GNL2: variants seen among roughly 807,000 people sequenced by gnomAD.
The protein encoded by GNL2 is nucleolar GTP-binding protein 2.
A neutral mutation model predicts 92.3 loss-of-function variants in GNL2; 51 were observed. The observed-to-expected ratio is 0.55, with a 90% CI of 0.44 to 0.70. The LOEUF is 0.70. GNL2 is among the 30% of genes least tolerant of loss of function. The probability of loss-of-function intolerance (pLI) is 0.00; values close to 1 mark genes in which losing one functional copy is unlikely to be tolerated. For synonymous variants in GNL2, 283 were observed against 300.6 expected (o/e 0.94, Z 0.61); for missense variants, 844 against 895.6 (o/e 0.94, Z 0.74).
chr1:37,567,464 A>G (rs889327947), intron 15 of GNL2, among the ~76,000 whole-genome samples: 1 of 151,810 alleles, frequency 6.6e-6, no homozygotes, highest in African/African-American at 2.4e-5. Flanking sequence ...TCGTGTGGAG[A>G]CGTTGATTAG....
intron 3 of GNL2, 59 bp downstream of exon 3, chr1:37,592,653 C>T (rs894623333): frequency 5.3e-6 from 5 of 945,494 alleles, no homozygotes; most frequent in Non-Finnish European, 8.7e-6. Context: ...TTTAAACATC[C>T]TAGCCGTTTC....
At position 37,566,892 on chromosome 1, in the gene GNL2, T is replaced by C. The variant is rs760851601; in HGVS notation, c.2159A>G (p.Gln720Arg). 5 of 1,614,086 alleles carry C rather than the reference T, an allele frequency of 3.1e-6. No individual in the cohort carries two copies. Among genetic ancestry groups the C allele is most frequent in the African/African-American group, 2.7e-5 (2 of 74,942 alleles). ...NKKKTNDSEG[Q>R]KHKRKKFRQK... ...TCTGAATTTTTTGCGTTTGTGTTTC[T>C]GTCCCTCTGAGTCATTGGTCTTCTT... Residue 720 changes from glutamine (Q) to arginine (R), a missense_variant, in exon 16 of 16, where the codon CAG (glutamine) becomes CGG (arginine). Transcript: ENST00000373062.
At chr1:37,568,788 C>T (rs1326224147) in intron 13 of GNL2, 63 bp downstream of exon 13, 1 of 1,235,006 alleles carries the variant, frequency 8.1e-7, no homozygotes, top group Non-Finnish European at 1.2e-6. Context: ...GGCTCTGGTA[C>T]TCATGGCAAA....
intron 12 of GNL2, among the ~76,000 whole-genome samples, chr1:37,573,589 C>T (rs1366852272): frequency 6.6e-6 from 1 of 152,240 alleles, no homozygotes. Flanking sequence ...TTCCTATATT[C>T]CCTGTGCCTG....
chr1:37,574,825 TA>T lies in GNL2; in HGVS notation c.1144-3del. 1 of 1,603,490 alleles carries T rather than the reference TA, an allele frequency of 6.2e-7. No individual in the cohort carries two copies. The highest frequency in any genetic ancestry group is 8.5e-7 in the Non-Finnish European group (1 of 1,171,824). On this transcript the variant is annotated splice_region_variant and splice_polypyrimidine_tract_variant and intron_variant, in intron 10 of 15. Coordinates refer to ENST00000373062, the MANE Select transcript of GNL2 (RefSeq NM_013285.3). Reference sequence around the variant, plus strand: ...ACTCTTAATTTTTTCTACTTGAACCTAAATGTTAATAGGAAATCTCTCACTT... The same window carrying T: ...ACTCTTAATTTTTTCTACTTGAACCTAATGTTAATAGGAAATCTCTCACTT...
intron 12 of GNL2, among the ~76,000 whole-genome samples, chr1:37,572,632 C>T (rs215202): frequency 6.6e-6 from 1 of 152,196 alleles, no homozygotes; most frequent in Non-Finnish European, 1.5e-5. Flanking sequence ...GCCTCTCCCC[C>T]ATACCTTACC....
intron 13 of GNL2, 84 bp downstream of exon 13, chr1:37,568,767 T>A: frequency 1.1e-6 from 1 of 911,060 alleles, no homozygotes; most frequent in Non-Finnish European, 1.7e-6. Context: ...AATAACCCCA[T>A]GTAAAAATAT....
At chr1:37,594,008 T>C in intron 1 of GNL2, 162 bp from the exon 2 acceptor site, 1 of 571,392 alleles carries the variant, frequency 1.8e-6, no homozygotes, top group South Asian at 2.2e-5. Flanking sequence ...AATTAGTACT[T>C]GAAGCTACAT....
At chr1:37,593,895 T>C (rs375072325) in intron 1 of GNL2, 49 bp from the exon 2 acceptor site, 1 of 1,370,426 alleles carries the variant, frequency 7.3e-7, no homozygotes, top group Non-Finnish European at 1.0e-6. Flanking sequence ...CCAACCAGTA[T>C]AACCAACAAG....
intron 8 of GNL2, chr1:37,581,312 C>G (rs1051893704): frequency 3.3e-5 from 15 of 454,758 alleles, no homozygotes; most frequent in Middle Eastern, 6.5e-4. Context: ...GTAGAATTAA[C>G]TAAATAGACA....
At chr1:37,594,784 G>C (rs1185549814) in intron 1 of GNL2, among the ~76,000 whole-genome samples, 1 of 152,152 alleles carries the variant, frequency 6.6e-6, no homozygotes, top group Non-Finnish European at 1.5e-5. Context: ...CGGGTGATCC[G>C]ACCGCCTCGG....
chr1:37,587,273 A>C, intron 5 of GNL2, 38 bp downstream of exon 5: 2 of 1,502,728 alleles, frequency 1.3e-6, no homozygotes, highest in Non-Finnish European at 1.8e-6. Flanking sequence ...TCTCAAAAAA[A>C]AAAAAACAAA....
chr1:37,574,295 C>A (rs757671599), intron 12 of GNL2, 48 bp downstream of exon 12: 6 of 1,136,304 alleles, frequency 5.3e-6, no homozygotes. Context: ...TACACCAAAT[C>A]TAGGTCAGGA....
intron 6 of GNL2, 50 bp from the exon 7 acceptor site, chr1:37,582,986 G>C: frequency 7.7e-7 from 1 of 1,301,736 alleles, no homozygotes; most frequent in South Asian, 1.3e-5. Context: ...AAATAAAAGA[G>C]GGATGACATT....
chr1:37,584,022 C>A (rs1643813565), intron 5 of GNL2, 89 bp from the exon 6 acceptor site: 3 of 788,574 alleles, frequency 3.8e-6, no homozygotes, highest in South Asian at 2.8e-5. Context: ...CCAAAAAAAA[C>A]AGTATCAAAC....
chr1:37,571,662 G>A (rs1246100998), intron 12 of GNL2, among the ~76,000 whole-genome samples: 5 of 152,206 alleles, frequency 3.3e-5, no homozygotes, highest in South Asian at 2.1e-4. Flanking sequence ...GTGACCCTAC[G>A]GTTAAACTTC....
intron 3 of GNL2, among the ~76,000 whole-genome samples, chr1:37,591,504 C>CTTT (rs34721968): frequency 4.4e-5 from 6 of 135,026 alleles, no homozygotes; most frequent in African/African-American, 1.1e-4. Flanking sequence ...TATATTTACT[C>CTTT]TTTTTTTTTT....
At chr1:37,586,163 G>A (rs189144029) in intron 5 of GNL2, among the ~76,000 whole-genome samples, 1 of 152,298 alleles carries the variant, frequency 6.6e-6, no homozygotes, top group Non-Finnish European at 1.5e-5. Context: ...TGTTGATTAT[G>A]TACTGACATA....
At chr1:37,585,154 G>A (rs1297234306) in intron 5 of GNL2, among the ~76,000 whole-genome samples, 1 of 151,130 alleles carries the variant, frequency 6.6e-6, no homozygotes, top group African/African-American at 2.4e-5. Context: ...CGCCTCCCGG[G>A]TTTAAGCGAT....
Sources: gnomAD v4.1 joint callset for allele counts (sites outside exome capture counted in the v4.1 genomes callset) on GRCh38, gnomAD v4.1.1 for gene constraint, MANE v1.5 for transcripts, NCBI Gene and HGNC (gene_info 2026-07-23, HGNC 2026-07-21) for gene names.